LRP1B: variants seen among roughly 807,000 people sequenced by gnomAD.
LRP1B encodes LDL receptor related protein 1B, also known as low-density lipoprotein receptor-related protein 1B.
In LRP1B, 217 loss-of-function variants were observed where a neutral mutation model predicts 556.6. The ratio of observed to expected loss-of-function variants is 0.39; its 90% CI spans 0.35 to 0.44. The LOEUF is 0.44. LRP1B is among the 20% of genes least tolerant of loss of function. The probability of loss-of-function intolerance (pLI) is 1.00; values close to 1 mark genes in which losing one functional copy is unlikely to be tolerated. For missense variants in LRP1B, 5,053 were observed against 5,620.8 expected, an observed-to-expected ratio of 0.90 and a Z score of 3.23; for synonymous variants, 2,047 against 1,865.8, an observed-to-expected ratio of 1.10 and a Z score of -2.50.
chr2:140,989,599 C>T lies in LRP1B; in HGVS notation c.2703G>A (p.Lys901=), dbSNP rs765647398. ...CATTAGCTCCATCACAAAGCCATCT[C>T]TTGGGGATGCAGCGATTATTCTGGC... ...FKCQNNRCIP[K]RWLCDGANDC... is the part of the protein sequence containing the mutation. The change falls in exon 17 of 91, where the codon AAG becomes AAA. Residue 901 remains lysine, a synonymous_variant. Coordinates refer to ENST00000389484, the MANE Select transcript of LRP1B (RefSeq NM_018557.3). 2 of 1,613,156 alleles carry T rather than the reference C, an allele frequency of 1.2e-6. No homozygotes were observed. The highest frequency in any genetic ancestry group is 1.7e-6 in the Non-Finnish European group (2 of 1,179,474).
intron 59 of LRP1B, among the ~76,000 whole-genome samples, chr2:140,481,911 T>A (rs1195295228): frequency 2.0e-5 from 3 of 152,190 alleles, no homozygotes; most frequent in African/African-American, 7.2e-5. Flanking sequence ...TGTGTGTCTG[T>A]TCTTTCCTAG....
chr2:140,546,450 T>C (rs934980839), intron 43 of LRP1B, among the ~76,000 whole-genome samples: 3 of 152,086 alleles, frequency 2.0e-5, no homozygotes, highest in South Asian at 4.1e-4. Context: ...AGCATGGCTG[T>C]GGAGGCCTCA....
intron 1 of LRP1B, among the ~76,000 whole-genome samples, chr2:141,986,893 A>G (rs1328252492): frequency 2.6e-5 from 4 of 151,960 alleles, no homozygotes. Flanking sequence ...AGAGGCATAA[A>G]ATAAAGTTGC....
intron 41 of LRP1B, among the ~76,000 whole-genome samples, chr2:140,675,444 A>T (rs988442456): frequency 1.3e-5 from 2 of 152,232 alleles, no homozygotes; most frequent in African/African-American, 4.8e-5. Flanking sequence ...AAAAATAAGC[A>T]TTGCCTCTAT....
intron 66 of LRP1B, among the ~76,000 whole-genome samples, chr2:140,437,138 G>A (rs899163827): frequency 2.6e-5 from 4 of 152,110 alleles, no homozygotes; most frequent in East Asian, 1.9e-4. Flanking sequence ...CCCACAGTGC[G>A]TGAGTGAGGA....
intron 2 of LRP1B, among the ~76,000 whole-genome samples, chr2:141,548,463 G>A (rs1230376042): frequency 1.3e-5 from 2 of 152,204 alleles, no homozygotes; most frequent in Non-Finnish European, 2.9e-5. Context: ...CCATTTATCT[G>A]GCTTCGGAAA....
intron 31 of LRP1B, among the ~76,000 whole-genome samples, chr2:140,837,789 G>A (rs536315764): frequency 3.6e-4 from 53 of 147,960 alleles, no homozygotes; most frequent in African/African-American, 1.3e-3. Flanking sequence ...ACCGGGGACT[G>A]TTGTGGGGTG....
At chr2:141,088,092 T>A (rs991918704) in intron 7 of LRP1B, among the ~76,000 whole-genome samples, 2 of 152,204 alleles carry the variant, frequency 1.3e-5, no homozygotes, top group African/African-American at 4.8e-5. Context: ...ACATTCTTTT[T>A]TTTTGAACAT....
chr2:141,955,008 A>T (rs141534788), intron 1 of LRP1B, among the ~76,000 whole-genome samples: 189 of 152,258 alleles, frequency 1.2e-3, no homozygotes, highest in Non-Finnish European at 2.2e-3. Context: ...TCTGTCCATC[A>T]AGAGATGCTA....
At chr2:140,975,484 T>C (rs1696567065) in intron 18 of LRP1B, among the ~76,000 whole-genome samples, 2 of 24,578 alleles carry the variant, frequency 8.1e-5, no homozygotes, top group Admixed American at 1.1e-3. Context: ...AGAGCTAAAG[T>C]TATATAAGCA....
intron 59 of LRP1B, among the ~76,000 whole-genome samples, chr2:140,478,144 C>CTTTTTTTTTTTTTTTTTTTTTTTTTTTT (rs35948232): frequency 4.8e-5 from 3 of 62,774 alleles, no homozygotes; most frequent in Admixed American, 2.0e-4. Flanking sequence ...TATAACTTAA[C>CTTTTTTTTTTTTTTTTTTTTTTTTTTTT]TTTTTTTTTT....
intron 3 of LRP1B, among the ~76,000 whole-genome samples, chr2:141,371,879 C>A (rs1485715145): frequency 2.0e-5 from 3 of 151,912 alleles, no homozygotes; most frequent in African/African-American, 4.8e-5. Context: ...TGCCCAATTG[C>A]CCTGGTGAGA....
chr2:140,862,328 T>C (rs1692824264), intron 27 of LRP1B, among the ~76,000 whole-genome samples: 1 of 152,170 alleles, frequency 6.6e-6, no homozygotes, highest in Non-Finnish European at 1.5e-5. Flanking sequence ...AAATTCAAAT[T>C]TCAGTGTCCA....
At chr2:141,935,802 A>C (rs985659856) in intron 1 of LRP1B, among the ~76,000 whole-genome samples, 2 of 152,336 alleles carry the variant, frequency 1.3e-5, no homozygotes, top group East Asian at 1.9e-4. Context: ...CATAGACAAA[A>C]TAAACTTTAA....
intron 2 of LRP1B, among the ~76,000 whole-genome samples, chr2:141,808,534 T>C (rs1346909987): frequency 6.6e-6 from 1 of 152,114 alleles, no homozygotes; most frequent in Non-Finnish European, 1.5e-5. Flanking sequence ...TATTTCTTCA[T>C]CCATATGCAC....
intron 2 of LRP1B, among the ~76,000 whole-genome samples, chr2:141,675,508 C>T (rs1690841542): frequency 8.7e-6 from 1 of 114,680 alleles, no homozygotes; most frequent in South Asian, 3.3e-4. Flanking sequence ...GGGAAAACTA[C>T]TTAATGTCTC....
intron 62 of LRP1B, among the ~76,000 whole-genome samples, chr2:140,455,640 C>T (rs1687071898): frequency 6.6e-6 from 1 of 152,122 alleles, no homozygotes; most frequent in Non-Finnish European, 1.5e-5. Flanking sequence ...ACTCCTAAAT[C>T]TAATCTGAAA....
intron 49 of LRP1B, among the ~76,000 whole-genome samples, chr2:140,517,451 G>A (rs1013861286): frequency 3.9e-5 from 6 of 152,096 alleles, no homozygotes; most frequent in African/African-American, 1.4e-4. Context: ...TATCTTTGCT[G>A]GAAAAGTGTG....
intron 2 of LRP1B, among the ~76,000 whole-genome samples, chr2:141,762,685 T>G: frequency 6.6e-6 from 1 of 152,298 alleles, no homozygotes; most frequent in East Asian, 1.9e-4. Flanking sequence ...GTATGTATAC[T>G]GTTTGTCCTT....
Sources: allele counts gnomAD v4.1 joint callset (sites outside exome capture counted in the v4.1 genomes callset), GRCh38; gene constraint gnomAD v4.1.1; transcripts MANE v1.5; gene names NCBI Gene and HGNC (gene_info 2026-07-23, HGNC 2026-07-21).